Variants in FBXO9 observed in about 807,000 individuals in gnomAD.
FBXO9 encodes F-box only protein 9.
FBXO9 carries 43 observed loss-of-function variants against 63.7 expected under a neutral mutation model. That is an observed-to-expected ratio of 0.67 (90% confidence interval 0.53 to 0.87). The LOEUF is 0.87. Ranked by LOEUF, FBXO9 falls within the 40% of genes least tolerant of loss-of-function variation. The pLI, the probability that FBXO9 is intolerant of heterozygous loss-of-function variation, is 0.00. For missense variants in FBXO9, 442 were observed against 533.2 expected (o/e 0.83, Z 1.68); for synonymous variants, 156 against 171.7 (o/e 0.91, Z 0.72).
At chr6:53,077,643 T>C (rs1471773356) in intron 4 of FBXO9, among the ~76,000 whole-genome samples, 2 of 152,222 alleles carry the variant, frequency 1.3e-5, no homozygotes, top group African/African-American at 4.8e-5. Context: ...AATTGATGCA[T>C]AGGAAAAATC....
At chr6:53,084,942 G>C (rs946523197) in intron 7 of FBXO9, among the ~76,000 whole-genome samples, 11 of 152,196 alleles carry the variant, frequency 7.2e-5, no homozygotes, top group African/African-American at 2.6e-4. Flanking sequence ...TCACGATAAG[G>C]CTGAGAACTC....
chr6:53,096,731 C>G (rs1763223367), intron 12 of FBXO9, among the ~76,000 whole-genome samples: 1 of 152,044 alleles, frequency 6.6e-6, no homozygotes, highest in African/African-American at 2.4e-5. Context: ...ACTGGGTGAC[C>G]CCATCTCTAC....
At chr6:53,091,715 T>G (rs954081158) in intron 7 of FBXO9, 1 of 152,370 alleles carries the variant, frequency 6.6e-6, no homozygotes, top group Admixed American at 6.6e-5. Context: ...CCTTCAAAAT[T>G]TATCTCCAGT....
At chr6:53,068,488 A>G (rs896678521) in intron 1 of FBXO9, among the ~76,000 whole-genome samples, 1 of 152,158 alleles carries the variant, frequency 6.6e-6, no homozygotes, top group South Asian at 2.1e-4. Flanking sequence ...AGACAGATAA[A>G]ATAGAAGGGG....
rs1247260935 is a variant in FBXO9 at position 53,095,674 on chromosome 6, T to C, written c.1205+10T>C. 1 of 1,598,958 alleles carries C rather than the reference T, an allele frequency of 6.3e-7. No individual in the cohort carries two copies. Among genetic ancestry groups the C allele is most frequent in the East Asian group, 2.2e-5 (1 of 44,612 alleles). Reference sequence around the variant, plus strand: ...GTCACATTACTTACAAGTAGGTGAATGCAATAAAAATAACAAGGTTACACT... The same window carrying C: ...GTCACATTACTTACAAGTAGGTGAACGCAATAAAAATAACAAGGTTACACT... On this transcript the variant is annotated intron_variant, in intron 12 of 12. Coordinates refer to ENST00000323557, the MANE Select transcript of FBXO9 (RefSeq NM_033480.3).
At chr6:53,093,729 A>G (rs141979717) in intron 10 of FBXO9, among the ~76,000 whole-genome samples, 156 bp from the exon 11 acceptor site, 54 of 152,326 alleles carry the variant, frequency 3.5e-4, no homozygotes, top group African/African-American at 1.2e-3. Flanking sequence ...TAGAAAATCT[A>G]CTTCAGCAGG....
intron 6 of FBXO9, among the ~76,000 whole-genome samples, chr6:53,081,895 C>T (rs1769327560): frequency 6.6e-6 from 1 of 151,986 alleles, no homozygotes; most frequent in Admixed American, 6.6e-5. Context: ...ATGGTGAAAC[C>T]CCACCTCTAC....
intron 1 of FBXO9, among the ~76,000 whole-genome samples, chr6:53,067,091 T>C (rs1768731062): frequency 6.6e-6 from 1 of 152,232 alleles, no homozygotes; most frequent in African/African-American, 2.4e-5. Flanking sequence ...CAGCCAATAT[T>C]TTTGAGTACC....
chr6:53,078,283 G>A (rs1475120233), intron 4 of FBXO9, among the ~76,000 whole-genome samples: 1 of 152,054 alleles, frequency 6.6e-6, no homozygotes, highest in Non-Finnish European at 1.5e-5. Context: ...GCAAGATGTT[G>A]TCTCTACAAA....
At chr6:53,076,453 G>T (rs1393180218) in intron 3 of FBXO9, 33 bp from the exon 4 acceptor site, 9 of 1,439,620 alleles carry the variant, frequency 6.3e-6, no homozygotes, top group Non-Finnish European at 8.4e-6. Context: ...TTTAATGCAG[G>T]TTTTCAAAAA....
At chr6:53,078,047 AAAG>A (rs1769179730) in intron 4 of FBXO9, among the ~76,000 whole-genome samples, 2 of 152,248 alleles carry the variant, frequency 1.3e-5, no homozygotes, top group South Asian at 4.1e-4. Flanking sequence ...AGCTGGGCTA[AAAG>A]AAGTTAAATT....
intron 7 of FBXO9, chr6:53,092,084 G>C (rs2127498660): frequency 4.6e-6 from 1 of 218,678 alleles, no homozygotes; most frequent in African/African-American, 2.3e-5. Context: ...CCTTGCACAT[G>C]CTCTGGTTGC....
rs550589575 is a variant in FBXO9 at position 53,081,046 on chromosome 6, T to C, written c.486T>C (p.Ser162=). The C allele has an allele frequency of 1.2e-6, 2 of 1,613,470 alleles. No homozygotes were observed. The highest frequency in any genetic ancestry group is 1.7e-6 in the Non-Finnish European group (2 of 1,179,878). ...AGCAGCAACTCACATTTCAGGAGTC[T>C]GTGCTTAAACTGTGTCAGCCTGAGC... ...YFQQQLTFQE[S]VLKLCQPELE... is the part of the protein sequence containing the mutation. The change falls in exon 6 of 13, where the codon TCT becomes TCC. Residue 162 remains serine (S), a synonymous_variant. Coordinates refer to ENST00000323557, the MANE Select transcript of FBXO9 (RefSeq NM_033480.3).
intron 7 of FBXO9, among the ~76,000 whole-genome samples, chr6:53,088,243 TGA>T (rs1347504779): frequency 6.6e-6 from 1 of 152,190 alleles, no homozygotes; most frequent in African/African-American, 2.4e-5. Context: ...TCATAAGCAG[TGA>T]GTTTTATCTC....
chr6:53,082,766 C>T lies in FBXO9; in HGVS notation c.653+148C>T. 1.0e-5 allele frequency: 6 copies of T among 592,072 alleles called. No individual in the cohort carries two copies. The South Asian group carries it at 1.1e-4, about 11-fold the overall frequency. The allele number at this position is 592,072 out of a possible 1,614,324, so 36.7% of individuals were successfully genotyped here. A position where few individuals can be genotyped will look rare whatever the true frequency, so the allele number is the denominator to read the frequency against. ...GTTTTGCTAAGCTGTACTTAACTTT[C>T]TCAAATAACTTAGAATTTAAAGGCT... is the stretch of plus-strand genomic sequence containing the variant. On this transcript the variant is annotated intron_variant, in intron 7 of 12. Transcript: ENST00000323557.
intron 3 of FBXO9, among the ~76,000 whole-genome samples, chr6:53,075,925 G>A (rs758230301): frequency 1.1e-4 from 16 of 151,414 alleles, no homozygotes; most frequent in Non-Finnish European, 1.9e-4. Context: ...TGTATTTTTA[G>A]TACAGATGGG....
At position 53,097,777 on chromosome 6, in the gene FBXO9, T is replaced by C; in HGVS notation, c.1261T>C (p.Leu421=). 1 of 1,609,510 alleles carries C rather than the reference T, an allele frequency of 6.2e-7. No individual in the cohort carries two copies. The highest frequency in any genetic ancestry group is 2.2e-5 in the East Asian group (1 of 44,632). ...TGAGATTGACAAGATGTACACCCCC[T>C]TGTTCTTCGCCAGAGTAAGGAGCTA... The part of the protein sequence containing the change: ...AFEIDKMYTP[L]FFARVRSYTA... Residue 421 remains leucine, a synonymous_variant, in exon 13 of 13, where the codon TTG becomes CTG. Transcript: ENST00000323557.
intron 4 of FBXO9, among the ~76,000 whole-genome samples, chr6:53,077,922 A>G (rs1316083195): frequency 2.6e-5 from 4 of 152,138 alleles, no homozygotes; most frequent in Non-Finnish European, 4.4e-5. Flanking sequence ...CTACAGCTCC[A>G]AGTTCTACTG....
At chr6:53,068,556 TA>T (rs1369548600) in intron 1 of FBXO9, among the ~76,000 whole-genome samples, 1 of 151,574 alleles carries the variant, frequency 6.6e-6, no homozygotes, top group African/African-American at 2.4e-5. Context: ...CTAGTACATA[TA>T]AAATACACAG....
Sources: gnomAD v4.1 joint callset for allele counts (sites outside exome capture counted in the v4.1 genomes callset) on GRCh38, gnomAD v4.1.1 for gene constraint, MANE v1.5 for transcripts, NCBI Gene and HGNC (gene_info 2026-07-23, HGNC 2026-07-21) for gene names.